Variants in SLC1A6 observed in about 807,000 individuals in gnomAD.
The protein encoded by SLC1A6 is excitatory amino acid transporter 4.
SLC1A6 carries 15 observed loss-of-function variants against 42.1 expected under a neutral mutation model. The observed-to-expected ratio is 0.36, with a 90% CI of 0.24 to 0.55. SLC1A6 has a LOEUF of 0.55. Among genes scored for constraint, SLC1A6 ranks in the 20% least tolerant of loss-of-function variants. The pLI is 0.88. For missense variants in SLC1A6, 542 were observed against 772.5 expected (o/e 0.70, Z 3.54); for synonymous variants, 317 against 319.7 (o/e 0.99, Z 0.09).
At chr19:14,989,002 G>C (rs9789317) in intron 1 of SLC1A6, among the ~76,000 whole-genome samples, 81,117 of 151,870 alleles carry the variant, frequency 0.53, 21,817 homozygotes, top group South Asian at 0.68. Context: ...CTGAGCAACA[G>C]AGCAAGATCC....
chr19:14,993,316 G>T (rs2045829888), intron 1 of SLC1A6, among the ~76,000 whole-genome samples: 1 of 152,044 alleles, frequency 6.6e-6, no homozygotes, highest in Non-Finnish European at 1.5e-5. Flanking sequence ...CTGATGATGG[G>T]TAGAGGGTTT....
At chr19:14,983,562 C>A (rs887469944), upstream of SLC1A6, among the ~76,000 whole-genome samples, 6 of 151,734 alleles carry the variant, frequency 4.0e-5, no homozygotes, top group African/African-American at 9.7e-5. Flanking sequence ...GGGGGGCGTG[C>A]CTGTGGTCCC....
chr19:15,005,771 A>G (rs1350411961), intron 1 of SLC1A6, among the ~76,000 whole-genome samples: 4 of 152,228 alleles, frequency 2.6e-5, no homozygotes, highest in Admixed American at 2.6e-4. Context: ...AACTAATAAA[A>G]AGCCAGAATG....
chr19:14,966,265 G>C (rs536655224), intron 4 of SLC1A6, among the ~76,000 whole-genome samples: 9 of 152,304 alleles, frequency 5.9e-5, no homozygotes, highest in African/African-American at 2.2e-4. Flanking sequence ...GCTGAGGCAG[G>C]TAGATTACTT....
intron 1 of SLC1A6, among the ~76,000 whole-genome samples, chr19:15,009,175 T>C (rs998892206): frequency 1.5e-5 from 2 of 134,828 alleles, no homozygotes; most frequent in African/African-American, 7.0e-5. Context: ...AGCATATATA[T>C]AGCATATCTA....
chr19:14,997,351 C>A (rs2045852086), intron 1 of SLC1A6, among the ~76,000 whole-genome samples: 1 of 152,094 alleles, frequency 6.6e-6, no homozygotes, highest in Non-Finnish European at 1.5e-5. Context: ...TGTATAAAAC[C>A]AAGCTGTGCC....
upstream of SLC1A6, among the ~76,000 whole-genome samples, chr19:14,984,139 G>A (rs936399280): frequency 2.0e-5 from 3 of 151,964 alleles, no homozygotes; most frequent in Non-Finnish European, 4.4e-5. Context: ...GAGAAACCCC[G>A]TCTCTACTAA....
chr19:14,986,985 C>T (rs1431799589), intron 1 of SLC1A6, among the ~76,000 whole-genome samples: 3 of 152,122 alleles, frequency 2.0e-5, no homozygotes, highest in South Asian at 2.1e-4. Flanking sequence ...CACTGTTACT[C>T]GCCCTTACTT....
intron 2 of SLC1A6, 154 bp downstream of exon 2, chr19:14,972,552 T>A: frequency 3.1e-6 from 2 of 637,944 alleles, no homozygotes; most frequent in Non-Finnish European, 5.7e-6. Context: ...GTGTGGTGTG[T>A]CTTTATGTGG....
At chr19:14,957,053 C>G (rs996925396) in intron 6 of SLC1A6, among the ~76,000 whole-genome samples, 6 of 152,164 alleles carry the variant, frequency 3.9e-5, no homozygotes, top group Non-Finnish European at 7.4e-5. Flanking sequence ...AGTTTCCTTC[C>G]TTAGACATTG....
chr19:14,971,648 G>C, intron 3 of SLC1A6, 89 bp downstream of exon 3: 2 of 1,300,824 alleles, frequency 1.5e-6, no homozygotes, highest in Non-Finnish European at 2.2e-6. Flanking sequence ...TCAAGGAAGT[G>C]GTCCCATGCT....
chr19:14,993,915 G>A (rs1338788780), intron 1 of SLC1A6, among the ~76,000 whole-genome samples: 5 of 151,988 alleles, frequency 3.3e-5, no homozygotes. Flanking sequence ...TTGGGTGCAG[G>A]TGGGCTGTGA....
chr19:14,978,258 C>G (rs773116600), intron 1 of SLC1A6: 1 of 152,150 alleles, frequency 6.6e-6, no homozygotes, highest in South Asian at 2.1e-4. Flanking sequence ...GGCTGCTTCT[C>G]GGAGCCTCTT....
intron 3 of SLC1A6, among the ~76,000 whole-genome samples, chr19:14,969,944 T>C (rs984284154): frequency 2.0e-5 from 3 of 151,280 alleles, no homozygotes; most frequent in African/African-American, 7.3e-5. Context: ...TTCTTCTGCC[T>C]GTGCCACCCC....
At chr19:14,986,682 C>G (rs1036551313) in intron 1 of SLC1A6, among the ~76,000 whole-genome samples, 1 of 151,388 alleles carries the variant, frequency 6.6e-6, no homozygotes, top group African/African-American at 2.4e-5. Context: ...CCTTGACATC[C>G]TGGGCTCAAG....
rs1309925132 is a variant in SLC1A6, at chr19:14,979,521, G to A, written c.-220C>T. ...GCGGAGTCCCCACTCACCGGCGTCC[G>A]GAGCGGCGGGGGCGGCCTGCCCGCG... On this transcript the variant is annotated 5_prime_UTR_variant, in exon 1 of 10. Transcript: ENST00000594383. The surrounding 1 kb of genome is among the most constrained non-coding windows in gnomAD (Gnocchi z 4.2). 6.6e-6 allele frequency: 1 copy of A among 151,374 alleles called. No individual in the cohort carries two copies. Among genetic ancestry groups the A allele is most frequent in the South Asian group, 2.1e-4 (1 of 4,830 alleles). 9.4% of individuals were successfully genotyped at this position (151,374 alleles called of 1,614,324 possible). A position where few individuals can be genotyped will look rare whatever the true frequency, so the allele number is the denominator to read the frequency against.
upstream of SLC1A6, chr19:14,980,188 A>G (rs1251883727): frequency 6.6e-6 from 1 of 152,310 alleles, no homozygotes; most frequent in Non-Finnish European, 1.5e-5. Flanking sequence ...TCCCTCTCTG[A>G]GCCTGGCTTC....
At chr19:15,010,479 G>A (rs1173234125) in intron 1 of SLC1A6, 2 of 524,834 alleles carry the variant, frequency 3.8e-6, no homozygotes, top group Non-Finnish European at 7.3e-6. Flanking sequence ...CTTCTTCCAT[G>A]CTTACCGACA....
intron 4 of SLC1A6, 52 bp from the exon 5 acceptor site, chr19:14,964,413 T>C: frequency 6.9e-7 from 1 of 1,456,022 alleles, no homozygotes; most frequent in Non-Finnish European, 9.7e-7. Context: ...GAAGGGCATC[T>C]AGGGTGATAA....
Sources: allele counts gnomAD v4.1 joint callset (sites outside exome capture counted in the v4.1 genomes callset), GRCh38; gene constraint gnomAD v4.1.1; non-coding constraint Gnocchi (gnomAD v3.1); transcripts MANE v1.5; gene names NCBI Gene and HGNC (gene_info 2026-07-23, HGNC 2026-07-21).